Variants in TYR observed in about 807,000 individuals in gnomAD.
TYR encodes the protein LB24-AB.
In TYR, 58 loss-of-function variants were observed where a neutral mutation model predicts 51.5. The observed-to-expected ratio is 1.13, with a 90% CI of 0.91 to 1.40. The LOEUF (loss-of-function observed/expected upper bound fraction) is 1.40. Among genes scored for constraint, TYR ranks in the 40% most tolerant of loss-of-function variants. The pLI, the probability that TYR is intolerant of heterozygous loss-of-function variation, is 0.00. For missense variants in TYR, 732 were observed against 647.4 expected (o/e 1.13, Z -1.42); for synonymous variants, 263 against 235.2 (o/e 1.12, Z -1.08).
At chr11:89,222,836 G>T (rs1424617056) in intron 2 of TYR, among the ~76,000 whole-genome samples, 4 of 152,156 alleles carry the variant, frequency 2.6e-5, no homozygotes, top group Non-Finnish European at 5.9e-5. Context: ...AACATAATTT[G>T]GGGGAACTCT....
chr11:89,253,457 A>T (rs1296822907), intron 3 of TYR, among the ~76,000 whole-genome samples: 1 of 151,762 alleles, frequency 6.6e-6, no homozygotes, highest in Non-Finnish European at 1.5e-5. Context: ...CGAGCATGGA[A>T]TGTGTTTCCA....
chr11:89,226,332 A>G (rs939853414), intron 2 of TYR, among the ~76,000 whole-genome samples: 1 of 152,066 alleles, frequency 6.6e-6, no homozygotes, highest in Admixed American at 6.6e-5. Flanking sequence ...TTCTATAATA[A>G]TGTAGGTACT....
intron 2 of TYR, among the ~76,000 whole-genome samples, chr11:89,217,717 C>G (rs552714333): frequency 2.6e-5 from 4 of 152,122 alleles, no homozygotes; most frequent in African/African-American, 9.7e-5. Context: ...TTAGTTCTGG[C>G]CTGGGCTGGC....
At chr11:89,196,896 A>G (rs1943526516) in intron 2 of TYR, among the ~76,000 whole-genome samples, 1 of 152,214 alleles carries the variant, frequency 6.6e-6, no homozygotes, top group Non-Finnish European at 1.5e-5. Flanking sequence ...GTATTATGGT[A>G]TACTATGGAA....
chr11:89,255,015 A>G (rs956070913), intron 3 of TYR, among the ~76,000 whole-genome samples: 4 of 151,664 alleles, frequency 2.6e-5, no homozygotes, highest in African/African-American at 7.3e-5. Context: ...TCGTGTCACT[A>G]TTATTGTTCA....
intron 2 of TYR, among the ~76,000 whole-genome samples, chr11:89,222,395 G>T (rs969513679): frequency 1.4e-4 from 21 of 152,242 alleles, no homozygotes; most frequent in African/African-American, 4.8e-4. Flanking sequence ...AAACTTTTCA[G>T]AGTAGTATTA....
chr11:89,190,340 G>C (rs954209691), intron 1 of TYR, among the ~76,000 whole-genome samples: 1 of 152,030 alleles, frequency 6.6e-6, no homozygotes, highest in South Asian at 2.1e-4. Context: ...ATGTGGAGGT[G>C]GAAGACAATG....
intron 3 of TYR, among the ~76,000 whole-genome samples, chr11:89,278,555 A>C (rs1473167573): frequency 6.6e-6 from 1 of 151,584 alleles, no homozygotes; most frequent in African/African-American, 2.4e-5. Flanking sequence ...CAGTTCCCAA[A>C]TATCCAACTA....
chr11:89,215,425 C>T (rs574153709), intron 2 of TYR, among the ~76,000 whole-genome samples: 12 of 152,030 alleles, frequency 7.9e-5, no homozygotes, highest in Non-Finnish European at 1.5e-4. Flanking sequence ...ATTTAAATAA[C>T]GAGCTGATGG....
Position 89,177,886 on chromosome 11 carries a change from A to G in TYR, c.-68A>G. ...GACATGTGATAATCACTGTAGTAGT[A>G]GCTGGAAAGAGAAATCTGTGACTCC... On this transcript the variant is annotated 5_prime_UTR_variant, in exon 1 of 5. Transcript: ENST00000263321. 1 of 1,484,774 alleles carries G rather than the reference A, an allele frequency of 6.7e-7. No individual in the cohort carries two copies. The highest frequency in any genetic ancestry group is 1.4e-5 in the African/African-American group (1 of 72,488). The allele number at this position is 1,484,774 out of a possible 1,614,324, so 92.0% of individuals were successfully genotyped here.
intron 2 of TYR, among the ~76,000 whole-genome samples, chr11:89,221,580 T>G (rs546691389): frequency 6.6e-6 from 1 of 152,328 alleles, no homozygotes; most frequent in South Asian, 2.1e-4. Context: ...CTTTTCAAAG[T>G]ATTCAGCCAT....
intron 3 of TYR, among the ~76,000 whole-genome samples, chr11:89,266,496 A>G (rs1402171104): frequency 1.3e-5 from 2 of 151,872 alleles, no homozygotes; most frequent in Non-Finnish European, 2.9e-5. Flanking sequence ...CATCATATGT[A>G]TTGGTCCCCT....
intron 2 of TYR, among the ~76,000 whole-genome samples, chr11:89,193,360 C>T (rs1331211302): frequency 6.6e-6 from 1 of 151,868 alleles, no homozygotes; most frequent in Non-Finnish European, 1.5e-5. Flanking sequence ...GATGTGTCAA[C>T]TCAGCCAGTG....
intron 2 of TYR, among the ~76,000 whole-genome samples, chr11:89,209,547 G>C (rs2135268004): frequency 6.6e-6 from 1 of 152,314 alleles, no homozygotes; most frequent in East Asian, 1.9e-4. Flanking sequence ...CTGAACAAAA[G>C]GCATCAGACA....
At chr11:89,196,307 T>G (rs1565393890) in intron 2 of TYR, among the ~76,000 whole-genome samples, 1 of 152,096 alleles carries the variant, frequency 6.6e-6, no homozygotes, top group Non-Finnish European at 1.5e-5. Flanking sequence ...GATGGAAAAT[T>G]CATGAAGATA....
rs149912348 is a variant in TYR, at chr11:89,227,892, A to G, written c.1106A>G (p.Tyr369Cys). The G allele has an allele frequency of 6.2e-6, 10 of 1,613,644 alleles. No homozygotes were observed. The highest frequency in any genetic ancestry group is 1.3e-5 in the African/African-American group (1 of 75,010). ...QSSMHNALHI[Y>C]MNGTMSQVQG... The stretch of plus-strand genomic sequence containing the variant: ...AGCATGCACAATGCCTTGCACATCT[A>G]TATGAATGGAACAATGTCCCAGGTA... The change falls in exon 3 of 5, where the codon TAT becomes TGT. Residue 369 changes from tyrosine (Y) to cysteine (C), a missense_variant. Coordinates refer to ENST00000263321, the MANE Select transcript of TYR (RefSeq NM_000372.5).
intron 3 of TYR, among the ~76,000 whole-genome samples, chr11:89,280,684 A>C (rs1944710887): frequency 6.6e-6 from 1 of 151,448 alleles, no homozygotes; most frequent in Non-Finnish European, 1.5e-5. Flanking sequence ...AATGATTCTA[A>C]TGATTGCTTT....
intron 3 of TYR, among the ~76,000 whole-genome samples, chr11:89,236,235 T>TACACACAC (rs35744603): frequency 2.0e-4 from 30 of 148,920 alleles, no homozygotes; most frequent in East Asian, 9.9e-4. Flanking sequence ...CACACACACA[T>TACACACAC]ACACACACAC....
intron 2 of TYR, chr11:89,191,944 A>G (rs911016480): frequency 3.5e-5 from 14 of 396,072 alleles, no homozygotes; most frequent in Admixed American, 7.1e-5. Flanking sequence ...AATTTCAGAT[A>G]TAAGTCTGTG....
Sources: allele counts gnomAD v4.1 joint callset (sites outside exome capture counted in the v4.1 genomes callset), GRCh38; gene constraint gnomAD v4.1.1; transcripts MANE v1.5; gene names NCBI Gene and HGNC (gene_info 2026-07-23, HGNC 2026-07-21).